Variants in ZSWIM6 observed in about 807,000 individuals in gnomAD.
ZSWIM6 encodes zinc finger SWIM-type containing 6.
ZSWIM6 carries 9 observed loss-of-function variants against 113.2 expected under a neutral mutation model. The ratio of observed to expected loss-of-function variants is 0.08; its 90% CI spans 0.05 to 0.14. The LOEUF is 0.14. Among genes scored for constraint, ZSWIM6 ranks in the 10% least tolerant of loss-of-function variants. The probability of loss-of-function intolerance (pLI) is 1.00; values close to 1 mark genes in which losing one functional copy is unlikely to be tolerated. For missense variants in ZSWIM6, 1,162 were observed against 1,552.2 expected (o/e 0.75, Z 4.22); for synonymous variants, 611 against 606.5 (o/e 1.01, Z -0.11).
chr5:61,533,165 T>C (rs779507697), intron 9 of ZSWIM6, among the ~76,000 whole-genome samples: 2 of 152,256 alleles, frequency 1.3e-5, no homozygotes, highest in Non-Finnish European at 2.9e-5. Context: ...GACTCATCTC[T>C]GCCTCTTCTC....
chr5:61,340,356 T>C (rs1266603412), intron 1 of ZSWIM6, among the ~76,000 whole-genome samples: 2 of 152,188 alleles, frequency 1.3e-5, no homozygotes, highest in South Asian at 2.1e-4. Context: ...TCTACAAATA[T>C]ATATATGTGA....
chr5:61,375,132 G>T (rs1299392852), intron 1 of ZSWIM6: 2 of 1,611,222 alleles, frequency 1.2e-6, no homozygotes, highest in African/African-American at 2.7e-5. Flanking sequence ...GGGACAATCG[G>T]GTGGCCTATA....
chr5:61,538,493 C>A (rs893307564), intron 10 of ZSWIM6, among the ~76,000 whole-genome samples: 2 of 152,068 alleles, frequency 1.3e-5, no homozygotes, highest in Non-Finnish European at 2.9e-5. Context: ...TTTAAAAGTT[C>A]TTCGGTGTTT....
chr5:61,523,207 C>T (rs1310815405), intron 5 of ZSWIM6, among the ~76,000 whole-genome samples: 1 of 152,180 alleles, frequency 6.6e-6, no homozygotes, highest in East Asian at 1.9e-4. Flanking sequence ...GCTCAGCTGG[C>T]TCCCCAGGGT....
chr5:61,429,265 C>T (rs1428049233), intron 1 of ZSWIM6, among the ~76,000 whole-genome samples: 1 of 152,136 alleles, frequency 6.6e-6, no homozygotes, highest in African/African-American at 2.4e-5. Flanking sequence ...TCAAGTGGAA[C>T]GTTTATCTTG....
At chr5:61,503,904 C>A (rs569294098) in intron 4 of ZSWIM6, among the ~76,000 whole-genome samples, 141 of 152,224 alleles carry the variant, frequency 9.3e-4, no homozygotes, top group South Asian at 2.1e-3. Context: ...TCTTAATCTT[C>A]TTTTTATTCC....
At chr5:61,446,926 G>T (rs1388586520) in intron 1 of ZSWIM6, among the ~76,000 whole-genome samples, 1 of 151,992 alleles carries the variant, frequency 6.6e-6, no homozygotes, top group Admixed American at 6.6e-5. Flanking sequence ...CAACTCACTG[G>T]TCTACACACA....
At chr5:61,374,643 T>A (rs1745329922) in intron 1 of ZSWIM6, among the ~76,000 whole-genome samples, 1 of 152,170 alleles carries the variant, frequency 6.6e-6, no homozygotes, top group African/African-American at 2.4e-5. Context: ...AAGCTCCGCC[T>A]CCCGGGTTCA....
chr5:61,340,544 A>G (rs1261227584), intron 1 of ZSWIM6, among the ~76,000 whole-genome samples: 1 of 152,218 alleles, frequency 6.6e-6, no homozygotes, highest in Non-Finnish European at 1.5e-5. Context: ...TATAGTTGTT[A>G]TCTACTAGTG....
chr5:61,531,326 C>CT, intron 8 of ZSWIM6, 139 bp from the exon 9 acceptor site: 1 of 1,048,300 alleles, frequency 9.5e-7, no homozygotes, highest in South Asian at 2.2e-5. Flanking sequence ...GCACTTTAGC[C>CT]TAAAAAACAT....
At chr5:61,522,270 A>G (rs1194329126) in intron 5 of ZSWIM6, among the ~76,000 whole-genome samples, 1 of 152,098 alleles carries the variant, frequency 6.6e-6, no homozygotes. Context: ...ATTTCTTGCC[A>G]ATAGAAATTT....
intron 1 of ZSWIM6, among the ~76,000 whole-genome samples, chr5:61,358,699 A>G (rs1744970946): frequency 6.6e-6 from 1 of 152,266 alleles, no homozygotes; most frequent in Non-Finnish European, 1.5e-5. Flanking sequence ...AAATGCTGCT[A>G]GTAAAAATTT....
In ZSWIM6 at chr5:61,531,531, G is replaced by A. The variant is rs755333533; in HGVS notation, c.2051G>A (p.Gly684Glu). 153 of 1,551,586 alleles carry A rather than the reference G, an allele frequency of 9.9e-5. No individual in the cohort carries two copies. Among genetic ancestry groups the A allele is most frequent in the Admixed American group, 2.0e-5 (1 of 50,978 alleles). ...CCTGCACACAAATTCTTAGAAGAAG[G>A]GGAATCCTATTTAACGCTGGCTGTG... ...HLPAHKFLEE[G>E]ESYLTLAVEV... Residue 684 changes from glycine to glutamate, a missense_variant, in exon 9 of 14, where the codon GGG (glycine) becomes GAG (glutamate). Coordinates refer to ENST00000252744, the MANE Select transcript of ZSWIM6 (RefSeq NM_020928.2).
At chr5:61,448,026 A>T (rs1482344407) in intron 1 of ZSWIM6, among the ~76,000 whole-genome samples, 1 of 152,200 alleles carries the variant, frequency 6.6e-6, no homozygotes, top group Non-Finnish European at 1.5e-5. Flanking sequence ...CAGATATGGT[A>T]TCTGGTAATT....
At chr5:61,350,822 T>C (rs1178888488) in intron 1 of ZSWIM6, among the ~76,000 whole-genome samples, 2 of 152,194 alleles carry the variant, frequency 1.3e-5, no homozygotes, top group East Asian at 3.9e-4. Flanking sequence ...GGACTAATTA[T>C]ATCTTTATCA....
chr5:61,528,530 C>T (rs1229388656), intron 7 of ZSWIM6, among the ~76,000 whole-genome samples: 3 of 151,328 alleles, frequency 2.0e-5, no homozygotes, highest in Non-Finnish European at 2.9e-5. Flanking sequence ...ATATAAGGAC[C>T]TTTTCAAGGA....
intron 5 of ZSWIM6, among the ~76,000 whole-genome samples, chr5:61,524,809 T>G (rs142914515): frequency 6.6e-6 from 1 of 152,362 alleles, no homozygotes; most frequent in African/African-American, 2.4e-5. Context: ...CTAGGTTAAG[T>G]ACACATAAAT....
chr5:61,332,522 A>G lies in ZSWIM6; in HGVS notation c.250A>G (p.Arg84Gly). Residue 84 changes from arginine to glycine, a missense_variant, in exon 1 of 14, where the codon AGG becomes GGG. Arg to Gly is a moderately radical substitution (Grantham distance 125). Transcript: ENST00000252744. ...GTCGCTGCTGGACATCGCGGCGCGC[A>G]GGGTGGCGGAGAAGTGGCCGTTCCA... is the stretch of plus-strand genomic sequence containing the variant. The part of the protein sequence containing the change: ...PESLLDIAAR[R>G]VAEKWPFQRV... The G allele has an allele frequency of 3.0e-6, 4 of 1,321,676 alleles. No homozygotes were observed. Among genetic ancestry groups the G allele is most frequent in the Middle Eastern group, 2.2e-4 (1 of 4,528 alleles). 81.9% of individuals were successfully genotyped at this position (1,321,676 alleles called of 1,614,324 possible). A position where few individuals can be genotyped will look rare whatever the true frequency, so the allele number is the denominator to read the frequency against.
chr5:61,399,410 C>G (rs759088445), intron 1 of ZSWIM6, among the ~76,000 whole-genome samples: 3 of 152,014 alleles, frequency 2.0e-5, no homozygotes, highest in Non-Finnish European at 2.9e-5. Context: ...CTTTATTTAC[C>G]AGAACAGATT....
Sources: gnomAD v4.1 joint callset for allele counts (sites outside exome capture counted in the v4.1 genomes callset) on GRCh38, gnomAD v4.1.1 for gene constraint, MANE v1.5 for transcripts, NCBI Gene and HGNC (gene_info 2026-07-23, HGNC 2026-07-21) for gene names.